CCDC186: variants seen among roughly 807,000 people sequenced by gnomAD.
CCDC186 encodes coiled-coil domain containing 186.
A neutral mutation model predicts 113.7 loss-of-function variants in CCDC186; 49 were observed. The ratio of observed to expected loss-of-function variants is 0.43; its 90% CI spans 0.34 to 0.55. The LOEUF (loss-of-function observed/expected upper bound fraction) is 0.55, where lower values mean the gene tolerates loss of function less well. CCDC186 is among the 20% of genes least tolerant of loss of function. The probability of loss-of-function intolerance (pLI) is 0.02; values close to 1 mark genes in which losing one functional copy is unlikely to be tolerated. For synonymous variants in CCDC186, 355 were observed against 345.8 expected, an observed-to-expected ratio of 1.03 and a Z score of -0.30; for missense variants, 890 against 1,011.1, an observed-to-expected ratio of 0.88 and a Z score of 1.62.
intron 4 of CCDC186, among the ~76,000 whole-genome samples, chr10:114,149,572 G>A (rs2031755619): frequency 3.5e-4 from 5 of 14,272 alleles, no homozygotes; most frequent in Admixed American, 2.9e-3. Flanking sequence ...GGAAAGGGAA[G>A]GGAAGGGAAG....
chr10:114,131,262 T>C lies in CCDC186; in HGVS notation c.1986A>G (p.Arg662=). The C allele has an allele frequency of 2.5e-6, 4 of 1,604,870 alleles. No homozygotes were observed. Among genetic ancestry groups the C allele is most frequent in the Non-Finnish European group, 3.4e-6 (4 of 1,176,236 alleles). The change falls in exon 12 of 16, where the codon AGA becomes AGG. Residue 662 remains arginine (R), a synonymous_variant. Coordinates refer to ENST00000369287, the MANE Select transcript of CCDC186 (RefSeq NM_018017.4). Reference sequence around the variant, plus strand: ...TACTCAATGCTTTAACTTCTGTTTGTCTACAAGCGAGTTCAGCTTGCAGAG... The same window carrying C: ...TACTCAATGCTTTAACTTCTGTTTGCCTACAAGCGAGTTCAGCTTGCAGAG... The part of the protein sequence containing the change: ...VQTLQAELAC[R]QTEVKALSTQ...
intron 10 of CCDC186, 108 bp downstream of exon 10, chr10:114,134,805 G>A (rs867621417): frequency 8.1e-7 from 1 of 1,238,740 alleles, no homozygotes; most frequent in Non-Finnish European, 1.1e-6. Context: ...ATTTCAGCTA[G>A]TAAAATTGTA....
chr10:114,148,570 C>T (rs1311734536), intron 4 of CCDC186, among the ~76,000 whole-genome samples: 2 of 152,190 alleles, frequency 1.3e-5, no homozygotes, highest in Non-Finnish European at 2.9e-5. Context: ...AAACCCTCCT[C>T]ATTCAATACA....
intron 3 of CCDC186, among the ~76,000 whole-genome samples, chr10:114,156,552 C>T (rs907090022): frequency 1.3e-5 from 2 of 152,078 alleles, no homozygotes; most frequent in East Asian, 3.9e-4. Context: ...ACGGTGAAAC[C>T]CTGTCTCTAA....
At chr10:114,131,111 AC>A in intron 12 of CCDC186, 35 bp downstream of exon 12, 1 of 1,361,280 alleles carries the variant, frequency 7.3e-7, no homozygotes. Context: ...AAAGAAACAA[AC>A]ACATTCATGG....
At chr10:114,131,903 TA>T (rs767931797) in intron 11 of CCDC186, 25 bp downstream of exon 11, 72 of 1,563,396 alleles carry the variant, frequency 4.6e-5, no homozygotes, top group East Asian at 2.5e-4. Context: ...TACGTTGTTT[TA>T]AAAAAAATGT....
intron 6 of CCDC186, among the ~76,000 whole-genome samples, chr10:114,139,530 T>C (rs2031397429): frequency 6.9e-6 from 1 of 145,780 alleles, no homozygotes; most frequent in East Asian, 2.0e-4. Context: ...ACCACTGCAC[T>C]CCAGCCTAGG....
At chr10:114,146,402 G>C (rs2031642223) in intron 4 of CCDC186, among the ~76,000 whole-genome samples, 1 of 152,134 alleles carries the variant, frequency 6.6e-6, no homozygotes, top group Non-Finnish European at 1.5e-5. Context: ...TGTGCCATCT[G>C]TTTTCTGCCA....
At chr10:114,149,846 C>T (rs971356305) in intron 4 of CCDC186, among the ~76,000 whole-genome samples, 1 of 121,168 alleles carries the variant, frequency 8.3e-6, no homozygotes, top group African/African-American at 3.8e-5. Flanking sequence ...GGAAGGCAGG[C>T]AGGCAGGCAG....
Position 114,123,733 on chromosome 10 carries a change from G to A in CCDC186, c.*1410C>T, listed in dbSNP as rs893643809. ...TCAATGACAGAAATATTGATACTAC[G>A]GCAACACTTAAGTGTCTATCTTAAA... On this transcript the variant is annotated 3_prime_UTR_variant, in exon 16 of 16. Transcript: ENST00000369287. The A allele has an allele frequency of 6.6e-6, 1 of 152,010 alleles. No homozygotes were observed. Among genetic ancestry groups the A allele is most frequent in the African/African-American group, 2.4e-5 (1 of 41,386 alleles). 9.4% of individuals were successfully genotyped at this position (152,010 alleles called of 1,614,324 possible). A position where few individuals can be genotyped will look rare whatever the true frequency, so the allele number is the denominator to read the frequency against.
rs2031211742 is a variant in CCDC186 at position 114,135,038 on chromosome 10, ATCT to A, written c.1527_1529del (p.Glu509del). The A allele has an allele frequency of 1.2e-6, 2 of 1,608,594 alleles. No homozygotes were observed. The highest frequency in any genetic ancestry group is 1.7e-6 in the Non-Finnish European group (2 of 1,178,764). On this transcript the variant is annotated inframe_deletion, in exon 10 of 16. Coordinates refer to ENST00000369287, the MANE Select transcript of CCDC186 (RefSeq NM_018017.4). ...ATTCATCTTCTGTTCTTAATCGTTC[ATCT>A]TCTAGACATTTCACCTATCAAATGA...
At chr10:114,173,405 A>T in intron 1 of CCDC186, 1 of 321,966 alleles carries the variant, frequency 3.1e-6, no homozygotes. Flanking sequence ...GCCATTTTTC[A>T]TTACTGATGG....
intron 3 of CCDC186, among the ~76,000 whole-genome samples, chr10:114,156,227 T>A (rs2032006633): frequency 1.3e-5 from 2 of 152,350 alleles, no homozygotes; most frequent in East Asian, 3.9e-4. Flanking sequence ...ATGCATCAAG[T>A]GAAAAATTGT....
chr10:114,164,973 T>G (rs2032294143), intron 1 of CCDC186, among the ~76,000 whole-genome samples: 1 of 152,250 alleles, frequency 6.6e-6, no homozygotes, highest in Non-Finnish European at 1.5e-5. Context: ...CTCAAATATT[T>G]GTTTAATTAA....
rs2031033606 is a variant in CCDC186, at chr10:114,129,921, T to C, written c.2152A>G (p.Ser718Gly). The C allele has an allele frequency of 1.2e-6, 2 of 1,613,642 alleles. No individual in the cohort carries two copies. Among genetic ancestry groups the C allele is most frequent in the African/African-American group, 1.3e-5 (1 of 74,908 alleles). ...VESGSYDKEV[S>G]SMGSRSSSSG... is the part of the protein sequence containing the mutation. The stretch of plus-strand genomic sequence containing the variant: ...GAACTAGAACGACTTCCCATGCTGC[T>C]GACTTCTTTGTCATAGCTTCCACTC... Residue 718 changes from serine (S) to glycine (G), a missense_variant, in exon 13 of 16, where the codon AGC becomes GGC. Coordinates refer to ENST00000369287, the MANE Select transcript of CCDC186 (RefSeq NM_018017.4).
chr10:114,169,752 T>C (rs993596934), intron 1 of CCDC186, among the ~76,000 whole-genome samples: 11 of 152,354 alleles, frequency 7.2e-5, no homozygotes, highest in Admixed American at 7.2e-4. Flanking sequence ...TCTATCAAGA[T>C]TGATATTGTA....
intron 1 of CCDC186, among the ~76,000 whole-genome samples, chr10:114,167,179 C>A (rs1454055389): frequency 6.6e-6 from 1 of 152,010 alleles, no homozygotes; most frequent in African/African-American, 2.4e-5. Context: ...AGCCACCATG[C>A]CCAGCTAATT....
intron 1 of CCDC186, among the ~76,000 whole-genome samples, chr10:114,170,141 T>C (rs1055541781): frequency 4.6e-5 from 7 of 152,172 alleles, no homozygotes; most frequent in Admixed American, 4.6e-4. Flanking sequence ...AAATGTTGTT[T>C]CACATGATGA....
chr10:114,131,356 A>G lies in CCDC186; in HGVS notation c.1912-20T>C. The G allele has an allele frequency of 6.6e-7, 1 of 1,522,734 alleles. No homozygotes were observed. Among genetic ancestry groups the G allele is most frequent in the Non-Finnish European group, 8.8e-7 (1 of 1,139,408 alleles). 94.3% of individuals were successfully genotyped at this position (1,522,734 alleles called of 1,614,324 possible). A position where few individuals can be genotyped will look rare whatever the true frequency, so the allele number is the denominator to read the frequency against. The stretch of plus-strand genomic sequence containing the variant: ...ACTTTCCTGAATAGTAAGTAAAACA[A>G]AAACCACCAATTTTAGTATGTTTGT... On this transcript the variant is annotated intron_variant, in intron 11 of 15. Transcript: ENST00000369287.
Sources: gnomAD v4.1 joint callset for allele counts (sites outside exome capture counted in the v4.1 genomes callset) on GRCh38, gnomAD v4.1.1 for gene constraint, MANE v1.5 for transcripts, NCBI Gene and HGNC (gene_info 2026-07-23, HGNC 2026-07-21) for gene names.